CALN1: variants seen among roughly 807,000 people sequenced by gnomAD.
CALN1 encodes calcium-binding protein 8.
Under a neutral mutation model 30.6 loss-of-function variants are expected in CALN1, and 17 were observed. The ratio of observed to expected loss-of-function variants is 0.56; its 90% CI spans 0.38 to 0.83. The LOEUF (loss-of-function observed/expected upper bound fraction) is 0.83. Ranked by LOEUF, CALN1 falls within the 40% of genes least tolerant of loss-of-function variation. CALN1 has a pLI of 0.00. For synonymous variants in CALN1, 156 were observed against 131.4 expected (o/e 1.19, Z -1.28); for missense variants, 291 against 354.9 (o/e 0.82, Z 1.45).
intron 5 of CALN1, among the ~76,000 whole-genome samples, chr7:71,856,861 G>C (rs566585624): frequency 6.6e-6 from 1 of 152,042 alleles, no homozygotes; most frequent in Non-Finnish European, 1.5e-5. Context: ...AGGCTCAGGT[G>C]GAAGGGTCGC....
chr7:71,821,972 T>C (rs1788620820), intron 5 of CALN1, among the ~76,000 whole-genome samples: 1 of 151,958 alleles, frequency 6.6e-6, no homozygotes, highest in Non-Finnish European at 1.5e-5. Context: ...CTGGCCATGT[T>C]GGCCCAGGCT....
intron 2 of CALN1, among the ~76,000 whole-genome samples, chr7:72,396,191 G>C (rs1162668348): frequency 7.2e-6 from 1 of 138,360 alleles, no homozygotes; most frequent in Non-Finnish European, 1.5e-5. Flanking sequence ...AAAGTCAGGA[G>C]TTCGAGACCA....
intron 5 of CALN1, among the ~76,000 whole-genome samples, chr7:71,927,813 C>A (rs1024673774): frequency 3.3e-5 from 5 of 152,268 alleles, no homozygotes; most frequent in African/African-American, 1.2e-4. Flanking sequence ...AATTCTGATC[C>A]TCCTCTCTGT....
At chr7:71,826,408 T>C (rs1202140846) in intron 5 of CALN1, among the ~76,000 whole-genome samples, 1 of 152,192 alleles carries the variant, frequency 6.6e-6, no homozygotes, top group East Asian at 1.9e-4. Context: ...GACTCAGACA[T>C]CGTGGTTGAC....
At chr7:72,281,560 A>T (rs1382507847) in intron 2 of CALN1, among the ~76,000 whole-genome samples, 1 of 152,170 alleles carries the variant, frequency 6.6e-6, no homozygotes, top group Non-Finnish European at 1.5e-5. Flanking sequence ...AAGCCTCACT[A>T]GATGAGCCTC....
intron 5 of CALN1, among the ~76,000 whole-genome samples, chr7:72,023,230 A>G (rs1800809861): frequency 6.6e-6 from 1 of 152,208 alleles, no homozygotes; most frequent in Non-Finnish European, 1.5e-5. Context: ...CTGAATACAC[A>G]TTCTTAGACA....
chr7:72,169,758 C>T (rs968023761), intron 3 of CALN1, among the ~76,000 whole-genome samples: 2 of 151,962 alleles, frequency 1.3e-5, no homozygotes, highest in African/African-American at 2.4e-5. Flanking sequence ...CGCGCGATCT[C>T]GGCTCACTGC....
intron 3 of CALN1, among the ~76,000 whole-genome samples, chr7:72,260,870 C>T (rs1290022757): frequency 6.6e-6 from 1 of 152,188 alleles, no homozygotes; most frequent in Admixed American, 6.5e-5. Flanking sequence ...ATTTTATGAT[C>T]TATCATCCCT....
chr7:72,334,163 G>GT lies in CALN1; in HGVS notation c.120-55354dup, dbSNP rs199965121. Among the ~76,000 whole-genome samples the GT allele has an allele frequency of 3.9e-3, 601 of 152,274 alleles. 3 individuals are homozygous for GT. The highest frequency in any genetic ancestry group is 0.014 in the African/African-American group (578 of 41,540). On this transcript the variant is annotated intron_variant, in intron 2 of 6. Coordinates refer to ENST00000395275, the MANE Select transcript of CALN1 (RefSeq NM_031468.4). ...TGAAAGGGTCTGGCACACAAGTAGG[G>GT]TCTCAGAAATCTGAATTAAGAGGGT...
intron 3 of CALN1, among the ~76,000 whole-genome samples, chr7:72,271,570 A>AT (rs1796974541): frequency 9.2e-6 from 1 of 109,222 alleles, no homozygotes; most frequent in African/African-American, 3.7e-5. Flanking sequence ...CTTTTAAAAA[A>AT]AAAAAATATA....
At chr7:72,003,808 G>C (rs1562969055) in intron 5 of CALN1, among the ~76,000 whole-genome samples, 1 of 152,140 alleles carries the variant, frequency 6.6e-6, no homozygotes, top group African/African-American at 2.4e-5. Context: ...CATAATCAAT[G>C]TGATGTGCTT....
intron 5 of CALN1, among the ~76,000 whole-genome samples, chr7:71,898,006 A>AGG (rs1562882102): frequency 1.3e-5 from 1 of 79,260 alleles, no homozygotes; most frequent in African/African-American, 5.5e-5. Flanking sequence ...AGAGAGAGGG[A>AGG]GGGAGGGGGG....
rs1804083143 is a variant in CALN1, at chr7:72,067,196, G to A, written c.388+38955C>T. Reference sequence around the variant, plus strand: ...GTGACGCAGAGATGGGAAAATAGAGGCAGAAATTTAGGTAGAGCCTGACAT... The same window carrying A: ...GTGACGCAGAGATGGGAAAATAGAGACAGAAATTTAGGTAGAGCCTGACAT... On this transcript the variant is annotated intron_variant, in intron 4 of 6. Transcript: ENST00000395275. Among the ~76,000 whole-genome samples the A allele has an allele frequency of 2.0e-5, 3 of 152,170 alleles. No homozygotes were observed. In the South Asian group the frequency reaches 6.2e-4, roughly 31 times the overall value.
Position 71,785,122 on chromosome 7 carries a change from C to G in CALN1, c.*2653G>C, listed in dbSNP as rs1422926810. 1 of 372,022 alleles carries G rather than the reference C, an allele frequency of 2.7e-6. No individual in the cohort carries two copies. Among genetic ancestry groups the G allele is most frequent in the Non-Finnish European group, 4.8e-6 (1 of 209,828 alleles). The allele number at this position is 372,022 out of a possible 1,614,324, so 23.0% of individuals were successfully genotyped here. On this transcript the variant is annotated 3_prime_UTR_variant, in exon 7 of 7. Transcript: ENST00000395275. ...CTGGGTGCCACATGGGGGGTTACCA[C>G]AGTGGGAAGATAACTCCTAGGCTGT...
chr7:72,489,487 G>C, the CALN1 span, among the ~76,000 whole-genome samples: 2 of 152,270 alleles, frequency 1.3e-5, no homozygotes, highest in South Asian at 2.1e-4. Context: ...CTAATCTCGA[G>C]AAAGAGTGTC....
intron 5 of CALN1, among the ~76,000 whole-genome samples, chr7:71,827,176 A>T (rs972944627): frequency 2.0e-5 from 3 of 152,080 alleles, no homozygotes; most frequent in Non-Finnish European, 4.4e-5. Context: ...TTAAATGAAG[A>T]CCTGTGAATA....
chr7:71,857,032 G>GTA lies in CALN1; in HGVS notation c.502-46541_502-46540insTA, dbSNP rs1484174289. Reference sequence around the variant, plus strand: ...TGTATATGTATGTGTGTGTGTGTGTGTGTGTGTGTGTGTGTGTGTGTGTGT... The same window carrying GTA: ...TGTATATGTATGTGTGTGTGTGTGTGTATGTGTGTGTGTGTGTGTGTGTGTGT... On this transcript the variant is annotated intron_variant, in intron 5 of 6. Transcript: ENST00000395275. Among the ~76,000 whole-genome samples, 125 of 151,256 alleles carry GTA rather than the reference G, an allele frequency of 8.3e-4. 2 individuals are homozygous for GTA. Among genetic ancestry groups the GTA allele is most frequent in the African/African-American group, 2.9e-3 (119 of 41,166 alleles).
intron 3 of CALN1, among the ~76,000 whole-genome samples, chr7:72,198,897 C>T (rs999172449): frequency 1.3e-5 from 2 of 152,186 alleles, no homozygotes; most frequent in Admixed American, 6.5e-5. Context: ...TCTCACTAAT[C>T]CCTGTACTTA....
chr7:72,363,971 G>C (rs183931133), intron 2 of CALN1, among the ~76,000 whole-genome samples: 1 of 152,050 alleles, frequency 6.6e-6, no homozygotes, highest in East Asian at 1.9e-4. Context: ...CTGACCTCAG[G>C]TGATCTGCCT....
Sources: allele counts gnomAD v4.1 joint callset (sites outside exome capture counted in the v4.1 genomes callset), GRCh38; gene constraint gnomAD v4.1.1; transcripts MANE v1.5; gene names NCBI Gene and HGNC (gene_info 2026-07-23, HGNC 2026-07-21).